MIA2: variants seen among roughly 807,000 people sequenced by gnomAD.
The protein encoded by MIA2 is MIA SH3 domain ER export factor 2.
A neutral mutation model predicts 167.8 loss-of-function variants in MIA2; 127 were observed. The observed-to-expected ratio is 0.76, with a 90% CI of 0.66 to 0.88. The LOEUF (loss-of-function observed/expected upper bound fraction) is 0.88. Among genes scored for constraint, MIA2 ranks in the 40% least tolerant of loss-of-function variants. The pLI, the probability that MIA2 is intolerant of heterozygous loss-of-function variation, is 0.00. For missense variants in MIA2, 1,690 were observed against 1,624.7 expected (o/e 1.04, Z -0.69); for synonymous variants, 552 against 541.9 (o/e 1.02, Z -0.26).
chr14:39,379,504 C>T (rs1020454072), intron 23 of MIA2, among the ~76,000 whole-genome samples: 1 of 152,176 alleles, frequency 6.6e-6, no homozygotes, highest in African/African-American at 2.4e-5. Flanking sequence ...AAACAAACAA[C>T]GCACCACCTT....
At chr14:39,294,155 A>C (rs960200079) in intron 12 of MIA2, 84 bp downstream of exon 12, 2 of 994,204 alleles carry the variant, frequency 2.0e-6, no homozygotes, top group East Asian at 5.3e-5. Flanking sequence ...AAGACACAAT[A>C]GTAGGATTTG....
intron 1 of MIA2, 61 bp from the exon 2 acceptor site, chr14:39,236,861 A>G: frequency 1.4e-6 from 2 of 1,456,858 alleles, no homozygotes; most frequent in South Asian, 2.5e-5. Flanking sequence ...CAGCAAGATG[A>G]AAGGAGGAGA....
At chr14:39,259,142 C>T (rs1429663137) in intron 6 of MIA2, among the ~76,000 whole-genome samples, 1 of 152,236 alleles carries the variant, frequency 6.6e-6, no homozygotes, top group African/African-American at 2.4e-5. Flanking sequence ...GGATCAGTTG[C>T]TCTCTTTAGA....
rs2061245218 is a variant in MIA2 at position 39,295,093 on chromosome 14, C to T, written c.2496+64C>T. The T allele has an allele frequency of 5.5e-6, 6 of 1,100,484 alleles. No homozygotes were observed. The Admixed American group carries it at 8.8e-5, about 16-fold the overall frequency. The allele number at this position is 1,100,484 out of a possible 1,614,324, so 68.2% of individuals were successfully genotyped here. A position where few individuals can be genotyped will look rare whatever the true frequency, so the allele number is the denominator to read the frequency against. Reference sequence around the variant, plus strand: ...TAATTATAGATGTTCTTGTCATCCTCATGACTGACCCATGCTAGGGACAAG... The same window carrying T: ...TAATTATAGATGTTCTTGTCATCCTTATGACTGACCCATGCTAGGGACAAG... On this transcript the variant is annotated intron_variant, in intron 13 of 28. Transcript: ENST00000640607.
intron 23 of MIA2, 43 bp from the exon 24 acceptor site, chr14:39,320,885 A>G (rs375751632): frequency 3.1e-6 from 5 of 1,597,960 alleles, no homozygotes; most frequent in Non-Finnish European, 4.3e-6. Flanking sequence ...TAGTGTAGCT[A>G]AGTGAAACTA....
intron 9 of MIA2, among the ~76,000 whole-genome samples, chr14:39,286,863 T>TTCTG (rs2059883169): frequency 1.3e-5 from 1 of 77,668 alleles, no homozygotes; most frequent in South Asian, 5.9e-4. Flanking sequence ...CTGGCTATTT[T>TTCTG]TCTGTGTGTG....
Position 39,319,195 on chromosome 14 carries a change from T to C in MIA2, c.3285-14T>C. On this transcript the variant is annotated splice_polypyrimidine_tract_variant and intron_variant, in intron 22 of 28. Coordinates refer to ENST00000640607, the MANE Select transcript of MIA2 (RefSeq NM_001329214.4). ...TGGATGAGTAACTTAGAGATGTTTG[T>C]TCTTTATTTGCAGATTAACTGAAAC... The C allele has an allele frequency of 6.8e-7, 1 of 1,466,274 alleles. No individual in the cohort carries two copies. Among genetic ancestry groups the C allele is most frequent in the Middle Eastern group, 1.8e-4 (1 of 5,504 alleles). 90.8% of individuals were successfully genotyped at this position (1,466,274 alleles called of 1,614,324 possible).
At chr14:39,341,131 G>A (rs1304134376) in intron 25 of MIA2, among the ~76,000 whole-genome samples, 2 of 151,880 alleles carry the variant, frequency 1.3e-5, no homozygotes, top group South Asian at 2.1e-4. Context: ...GTGAAACTCC[G>A]TCTCTACTAA....
intron 9 of MIA2, among the ~76,000 whole-genome samples, chr14:39,280,093 G>T (rs146358576): frequency 6.6e-6 from 1 of 151,992 alleles, no homozygotes; most frequent in Non-Finnish European, 1.5e-5. Flanking sequence ...TGGGCGTGTC[G>T]AGTTAATGCC....
intron 23 of MIA2, among the ~76,000 whole-genome samples, chr14:39,380,509 A>G (rs373252505): frequency 5.9e-5 from 9 of 152,080 alleles, no homozygotes; most frequent in African/African-American, 2.2e-4. Flanking sequence ...CCTGGCCAAC[A>G]TGGTGAAACC....
chr14:39,300,082 A>T, intron 14 of MIA2, 96 bp downstream of exon 14: 2 of 1,467,128 alleles, frequency 1.4e-6, no homozygotes, highest in Non-Finnish European at 1.8e-6. Context: ...TTATTTTCAC[A>T]ACATATTTTC....
At chr14:39,361,522 TC>T (rs1400371107) in intron 23 of MIA2, among the ~76,000 whole-genome samples, 1 of 151,448 alleles carries the variant, frequency 6.6e-6, no homozygotes, top group African/African-American at 2.4e-5. Context: ...CACTGCAACT[TC>T]CGCCTCCCGG....
At chr14:39,382,004 G>T (rs1233329070) in intron 23 of MIA2, among the ~76,000 whole-genome samples, 1 of 152,120 alleles carries the variant, frequency 6.6e-6, no homozygotes, top group Non-Finnish European at 1.5e-5. Context: ...CAGCTAACTA[G>T]GAATGGGGTC....
chr14:39,333,591 G>A (rs2069481197), intron 25 of MIA2, among the ~76,000 whole-genome samples: 1 of 152,092 alleles, frequency 6.6e-6, no homozygotes, highest in Admixed American at 6.6e-5. Flanking sequence ...GCTGTGTGCT[G>A]CAACTCACTG....
chr14:39,241,087 T>C (rs1161104561), intron 3 of MIA2, among the ~76,000 whole-genome samples: 1 of 152,242 alleles, frequency 6.6e-6, no homozygotes, highest in Non-Finnish European at 1.5e-5. Context: ...GTAAGTGTTA[T>C]ATATTATTAC....
intron 17 of MIA2, among the ~76,000 whole-genome samples, chr14:39,306,403 A>G (rs2063346841): frequency 6.6e-6 from 1 of 152,152 alleles, no homozygotes; most frequent in South Asian, 2.1e-4. Context: ...GCTTCCTTAC[A>G]TGGTGGGAGC....
chr14:39,387,180 T>C (rs2075285348), exon 24 of MIA2: 1 of 458,542 alleles, frequency 2.2e-6, no homozygotes. Context: ...ATAGCTACCA[T>C]AGATAGTATT....
chr14:39,317,627 C>G (rs1285545334), intron 21 of MIA2, among the ~76,000 whole-genome samples: 5 of 152,152 alleles, frequency 3.3e-5, no homozygotes, highest in Non-Finnish European at 1.5e-5. Context: ...GTCCTAGGCA[C>G]TGTACTTAAA....
At chr14:39,244,839 G>A (rs997572143) in intron 3 of MIA2, among the ~76,000 whole-genome samples, 1 of 151,762 alleles carries the variant, frequency 6.6e-6, no homozygotes, top group Admixed American at 6.6e-5. Context: ...GTGCAGTGGT[G>A]CAATTATAGT....
Sources: allele counts gnomAD v4.1 joint callset (sites outside exome capture counted in the v4.1 genomes callset), GRCh38; gene constraint gnomAD v4.1.1; transcripts MANE v1.5; gene names NCBI Gene and HGNC (gene_info 2026-07-23, HGNC 2026-07-21).